AGBL1: variants seen among roughly 807,000 people sequenced by gnomAD.
AGBL1 encodes AGBL carboxypeptidase 1, also known as cytosolic carboxypeptidase 4.
AGBL1 carries 130 observed loss-of-function variants against 118.9 expected under a neutral mutation model. The observed-to-expected ratio is 1.09, with a 90% CI of 0.95 to 1.26. The LOEUF (loss-of-function observed/expected upper bound fraction) is 1.26, where lower values mean the gene tolerates loss of function less well. Ranked by LOEUF, AGBL1 falls within the 50% of genes most tolerant of loss-of-function variation. AGBL1 has a pLI of 0.00. For synonymous variants in AGBL1, 555 were observed against 478.9 expected (o/e 1.16, Z -2.08); for missense variants, 1,584 against 1,298.1 (o/e 1.22, Z -3.38).
At chr15:86,340,765 C>T (rs1397593759) in intron 17 of AGBL1, among the ~76,000 whole-genome samples, 1 of 152,172 alleles carries the variant, frequency 6.6e-6, no homozygotes, top group Non-Finnish European at 1.5e-5. Flanking sequence ...GCCACGGTTA[C>T]TGCCAGAATT....
intron 6 of AGBL1, among the ~76,000 whole-genome samples, chr15:86,234,550 CAAAA>C (rs397854519): frequency 3.9e-5 from 3 of 76,320 alleles, no homozygotes; most frequent in Admixed American, 1.5e-4. Context: ...GACTCTATCT[CAAAA>C]AAAAAAAAAA....
chr15:86,373,295 G>A (rs982654297), intron 17 of AGBL1, among the ~76,000 whole-genome samples: 4 of 151,994 alleles, frequency 2.6e-5, no homozygotes, highest in African/African-American at 4.8e-5. Context: ...ACTTTCCCCC[G>A]GAAGAAGTCT....
chr15:86,644,144 T>C (rs901042579), intron 21 of AGBL1, among the ~76,000 whole-genome samples: 1 of 152,208 alleles, frequency 6.6e-6, no homozygotes, highest in Non-Finnish European at 1.5e-5. Context: ...ACTATTTCTA[T>C]ACATTTTGAC....
At chr15:86,634,479 T>C (rs2085043688) in intron 21 of AGBL1, among the ~76,000 whole-genome samples, 1 of 152,158 alleles carries the variant, frequency 6.6e-6, no homozygotes, top group Admixed American at 6.5e-5. Flanking sequence ...AGCACAATTC[T>C]ATTTATAGGA....
intron 1 of AGBL1, among the ~76,000 whole-genome samples, chr15:86,080,569 C>T (rs1158018485): frequency 6.6e-6 from 1 of 152,200 alleles, no homozygotes; most frequent in Non-Finnish European, 1.5e-5. Flanking sequence ...GGGCAGTAGC[C>T]TGGGAAACTG....
chr15:86,449,967 T>C (rs1186732378), intron 18 of AGBL1, among the ~76,000 whole-genome samples: 1 of 151,932 alleles, frequency 6.6e-6, no homozygotes, highest in South Asian at 2.1e-4. Context: ...TAACAGTAAA[T>C]TGTGGCATTT....
chr15:86,500,628 AG>A (rs1205703658), intron 18 of AGBL1, among the ~76,000 whole-genome samples: 2 of 151,744 alleles, frequency 1.3e-5, no homozygotes, highest in Non-Finnish European at 2.9e-5. Flanking sequence ...TCTCCCCAAA[AG>A]AAAGCTGTTA....
chr15:86,334,240 C>G (rs557271910), intron 17 of AGBL1, among the ~76,000 whole-genome samples: 1 of 152,254 alleles, frequency 6.6e-6, no homozygotes, highest in South Asian at 2.1e-4. Flanking sequence ...AACTATCTCT[C>G]TTCACTTTTG....
chr15:86,678,042 T>C (rs2085880769), intron 22 of AGBL1, among the ~76,000 whole-genome samples: 1 of 152,202 alleles, frequency 6.6e-6, no homozygotes. Flanking sequence ...TTGTGTACCA[T>C]ATGATGCCTT....
chr15:86,906,423 C>T (rs116085633), intron 22 of AGBL1, among the ~76,000 whole-genome samples: 9,220 of 152,290 alleles, frequency 0.061, 341 homozygotes, highest in African/African-American at 0.094. Flanking sequence ...AGTGGGAAAG[C>T]ACAAACACTG....
At chr15:86,159,892 C>A (rs748680059) in intron 5 of AGBL1, among the ~76,000 whole-genome samples, 52 of 152,040 alleles carry the variant, frequency 3.4e-4, no homozygotes, top group Admixed American at 1.3e-4. Flanking sequence ...TTCTCACCTG[C>A]AGCTCTCTAC....
At chr15:86,547,068 A>G (rs2083593575) in intron 20 of AGBL1, among the ~76,000 whole-genome samples, 1 of 152,126 alleles carries the variant, frequency 6.6e-6, no homozygotes, top group Non-Finnish European at 1.5e-5. Flanking sequence ...CAGTCCATCA[A>G]AAATAGACTG....
At chr15:86,626,326 T>C (rs2142423865) in intron 21 of AGBL1, among the ~76,000 whole-genome samples, 1 of 152,320 alleles carries the variant, frequency 6.6e-6, no homozygotes, top group Middle Eastern at 3.4e-3. Flanking sequence ...ACCATGCAGC[T>C]GTGAAAAAGA....
Position 86,122,202 on chromosome 15 carries a change from G to A in AGBL1, c.52-19802G>A, listed in dbSNP as rs577631092. Among the ~76,000 whole-genome samples the A allele has an allele frequency of 3.3e-5, 5 of 152,268 alleles. No individual in the cohort carries two copies. In the South Asian group the frequency reaches 1.0e-3, roughly 32 times the overall value. ...TCCATTTCCCGACATGGTCACAGGA[G>A]GTTCTGACAGATTGAGTGTTGTACA... On this transcript the variant is annotated intron_variant, in intron 1 of 22. Transcript: ENST00000614907.
intron 21 of AGBL1, among the ~76,000 whole-genome samples, chr15:86,571,364 G>A (rs2084003991): frequency 6.6e-6 from 1 of 152,168 alleles, no homozygotes; most frequent in Non-Finnish European, 1.5e-5. Flanking sequence ...GAAGAATGAG[G>A]TTCACAGACA....
At chr15:86,764,614 G>A (rs896614) in intron 22 of AGBL1, among the ~76,000 whole-genome samples, 82,217 of 151,898 alleles carry the variant, frequency 0.54, 23,443 homozygotes, top group African/African-American at 0.72. Context: ...TAATAAAGGC[G>A]TTGTTTATGA....
At chr15:86,533,810 TA>T (rs1264756875) in intron 19 of AGBL1, among the ~76,000 whole-genome samples, 1 of 105,492 alleles carries the variant, frequency 9.5e-6, no homozygotes, top group Non-Finnish European at 1.7e-5. Flanking sequence ...ATGTCCTTTG[TA>T]GGGACATGGA....
chr15:86,397,573 A>C (rs769576989), intron 18 of AGBL1, 27 bp downstream of exon 18: 1 of 1,578,896 alleles, frequency 6.3e-7, no homozygotes, highest in Non-Finnish European at 8.6e-7. Context: ...GCTCAGCCAA[A>C]CCCACAATTA....
At chr15:86,436,299 A>G (rs549627769) in intron 18 of AGBL1, among the ~76,000 whole-genome samples, 71 of 152,060 alleles carry the variant, frequency 4.7e-4, no homozygotes, top group Admixed American at 2.2e-3. Flanking sequence ...TGGGGGAGAA[A>G]GGGCAGGGCT....
Sources: allele counts gnomAD v4.1 joint callset (sites outside exome capture counted in the v4.1 genomes callset), GRCh38; gene constraint gnomAD v4.1.1; transcripts MANE v1.5; gene names NCBI Gene and HGNC (gene_info 2026-07-23, HGNC 2026-07-21).